Variants in PLEKHA5 observed in about 807,000 individuals in gnomAD.
PLEKHA5 encodes pleckstrin homology domain-containing family A member 5.
Under a neutral mutation model 181.9 loss-of-function variants are expected in PLEKHA5, and 55 were observed. The observed-to-expected ratio is 0.30, with a 90% CI of 0.24 to 0.38. PLEKHA5 has a LOEUF of 0.38. Ranked by LOEUF, PLEKHA5 falls within the 10% of genes least tolerant of loss-of-function variation. The pLI is 1.00. For missense variants in PLEKHA5, 1,432 were observed against 1,549.5 expected (o/e 0.92, Z 1.27); for synonymous variants, 535 against 529.4 (o/e 1.01, Z -0.15).
Position 19,347,197 on chromosome 12 carries a change from T to G in PLEKHA5, c.2898+15T>G, listed in dbSNP as rs1300258661. The G allele has an allele frequency of 2.4e-5, 34 of 1,429,692 alleles. No homozygotes were observed. The highest frequency in any genetic ancestry group is 3.2e-5 in the Non-Finnish European group (33 of 1,041,328). The allele number at this position is 1,429,692 out of a possible 1,614,324, so 88.6% of individuals were successfully genotyped here. ...GATCTCACTGTGTAAGTGGCTGGAA[T>G]AGCCACAGAATAATCAATCCTACAT... is the stretch of plus-strand genomic sequence containing the variant. On this transcript the variant is annotated intron_variant, in intron 24 of 31. Coordinates refer to ENST00000429027, the MANE Select transcript of PLEKHA5 (RefSeq NM_001256470.2).
rs552962852 is a variant in PLEKHA5, at chr12:19,304,422, C to T, written c.2038-10392C>T. Among the ~76,000 whole-genome samples, 42 of 152,258 alleles carry T rather than the reference C, an allele frequency of 2.8e-4. No homozygotes were observed. The Middle Eastern group carries it at 0.01, about 37-fold the overall frequency. The stretch of plus-strand genomic sequence containing the variant: ...TCTCTTAATGCTATATCTTAGACAA[C>T]AAGAAAATATTTTAATCTAGATCCA... On this transcript the variant is annotated intron_variant, in intron 15 of 31. Transcript: ENST00000429027.
rs1209286966 is a variant in PLEKHA5, at chr12:19,375,775, A to G, written c.*256A>G. Reference sequence around the variant, plus strand: ...GCTTGCTGCTATGATTTCAGAGCACATAAGTAAAGGTGCTTTTTAATGTGC... The same window carrying G: ...GCTTGCTGCTATGATTTCAGAGCACGTAAGTAAAGGTGCTTTTTAATGTGC... On this transcript the variant is annotated 3_prime_UTR_variant, in exon 32 of 32. Transcript: ENST00000429027. The G allele has an allele frequency of 6.6e-6, 1 of 152,632 alleles. No homozygotes were observed. Among genetic ancestry groups the G allele is most frequent in the African/African-American group, 2.4e-5 (1 of 41,462 alleles). 9.5% of individuals were successfully genotyped at this position (152,632 alleles called of 1,614,324 possible).
chr12:19,363,239 C>T (rs767865659), intron 29 of PLEKHA5, among the ~76,000 whole-genome samples: 3 of 151,590 alleles, frequency 2.0e-5, no homozygotes, highest in Admixed American at 6.6e-5. Flanking sequence ...GGAACCTCTG[C>T]CTCCTGGGTT....
intron 3 of PLEKHA5, among the ~76,000 whole-genome samples, chr12:19,144,865 G>GT (rs2038473569): frequency 6.6e-6 from 1 of 152,194 alleles, no homozygotes. Flanking sequence ...GAACTTGAAT[G>GT]TAAGCCCAAA....
chr12:19,154,242 A>ATC (rs1316954897), intron 3 of PLEKHA5: 7 of 152,046 alleles, frequency 4.6e-5, no homozygotes, highest in Non-Finnish European at 8.8e-5. Flanking sequence ...ATATCTGTTT[A>ATC]TCCGTATATT....
At chr12:19,231,613 A>ATTATATATGTAC (rs1345945535) in intron 3 of PLEKHA5, among the ~76,000 whole-genome samples, 2 of 32,456 alleles carry the variant, frequency 6.2e-5, no homozygotes, top group Non-Finnish European at 1.7e-4. Flanking sequence ...TATATATATA[A>ATTATATATGTAC]ATACTCATAA....
Position 19,274,498 on chromosome 12 carries a change from T to C in PLEKHA5, c.846-18T>C. ...ATTATTTCATCTGATTTACTATGAT[T>C]TTCTTCTCTGATTTCAGAGTGGACA... is the stretch of plus-strand genomic sequence containing the variant. On this transcript the variant is annotated intron_variant, in intron 10 of 31. Coordinates refer to ENST00000429027, the MANE Select transcript of PLEKHA5 (RefSeq NM_001256470.2). 3 of 1,484,098 alleles carry C rather than the reference T, an allele frequency of 2.0e-6. No individual in the cohort carries two copies. Among genetic ancestry groups the C allele is most frequent in the Non-Finnish European group, 2.8e-6 (3 of 1,076,068 alleles). 91.9% of individuals were successfully genotyped at this position (1,484,098 alleles called of 1,614,324 possible).
At chr12:19,245,063 T>C (rs1013681175) in intron 3 of PLEKHA5, among the ~76,000 whole-genome samples, 2 of 152,124 alleles carry the variant, frequency 1.3e-5, no homozygotes, top group African/African-American at 4.8e-5. Context: ...CATTAAAACA[T>C]TTTTCTGAAG....
intron 3 of PLEKHA5, among the ~76,000 whole-genome samples, chr12:19,197,297 A>T (rs1194667369): frequency 1.3e-5 from 2 of 152,026 alleles, no homozygotes; most frequent in East Asian, 3.9e-4. Context: ...CCAGTCTCTC[A>T]TACTGTTCTG....
chr12:19,268,161 C>G (rs1218259775), intron 8 of PLEKHA5, among the ~76,000 whole-genome samples: 1 of 152,046 alleles, frequency 6.6e-6, no homozygotes, highest in Admixed American at 6.5e-5. Flanking sequence ...ACCAGAGAAA[C>G]ATAATTAAGT....
At chr12:19,144,809 A>C (rs1214237926) in intron 3 of PLEKHA5, among the ~76,000 whole-genome samples, 6 of 152,172 alleles carry the variant, frequency 3.9e-5, no homozygotes, top group African/African-American at 1.4e-4. Flanking sequence ...AATATCTGTT[A>C]ATTTTTATCA....
chr12:19,250,016 T>C (rs1472911153), intron 3 of PLEKHA5, among the ~76,000 whole-genome samples: 1 of 152,192 alleles, frequency 6.6e-6, no homozygotes, highest in Non-Finnish European at 1.5e-5. Context: ...ATAAACTGTT[T>C]AGCAGCACCC....
In PLEKHA5 at chr12:19,320,054, T is replaced by G. The variant is rs1216909447; in HGVS notation, c.2152T>G (p.Cys718Gly). 6 of 1,084,982 alleles carry G rather than the reference T, an allele frequency of 5.5e-6. No individual in the cohort carries two copies. Among genetic ancestry groups the G allele is most frequent in the Non-Finnish European group, 5.3e-6 (4 of 756,802 alleles). 67.2% of individuals were successfully genotyped at this position (1,084,982 alleles called of 1,614,324 possible). ...LRQKSKISLY[C>G]LSQDEGRGTL... ...ACAGAAGAGCAAGATAAGTCTATAT[T>G]GTGTATGTGTGTTTATATATTATAT... Residue 718 changes from cysteine to glycine, a missense_variant and splice_region_variant, in exon 17 of 32, where the codon TGT becomes GGT. Physicochemically the swap from Cys to Gly is radical, Grantham distance 159 (BLOSUM62 -3). Transcript: ENST00000429027.
intron 3 of PLEKHA5, among the ~76,000 whole-genome samples, chr12:19,244,895 AAAAAAGCAGAGTGGATTTTGGATT>A (rs1460362042): frequency 1.5e-4 from 23 of 152,142 alleles, no homozygotes; most frequent in African/African-American, 5.1e-4. Flanking sequence ...ATATTCTTTT[AAAAAAGCAGAGTGGATTTTGGATT>A]AAAAAGCAGA....
At chr12:19,321,546 T>TTC (rs1365872073) in intron 18 of PLEKHA5, 1 of 149,554 alleles carries the variant, frequency 6.7e-6, no homozygotes, top group Non-Finnish European at 1.5e-5. Context: ...TGTATTTTTT[T>TTC]TTTTTTTTAG....
chr12:19,254,919 T>C lies in PLEKHA5; in HGVS notation c.312-126T>C, dbSNP rs190813012. ...GTTGTTGTAAGTATTAAGGCCTGAC[T>C]CTAGAGTAACTAGGATCCAAGTACT... On this transcript the variant is annotated intron_variant, in intron 4 of 31. Coordinates refer to ENST00000429027, the MANE Select transcript of PLEKHA5 (RefSeq NM_001256470.2). 3.4e-5 allele frequency: 26 copies of C among 760,428 alleles called. No homozygotes were observed. The East Asian group carries it at 3.7e-4, about 11-fold the overall frequency. The allele number at this position is 760,428 out of a possible 1,614,324, so 47.1% of individuals were successfully genotyped here. A position where few individuals can be genotyped will look rare whatever the true frequency, so the allele number is the denominator to read the frequency against.
chr12:19,306,665 C>CG, intron 15 of PLEKHA5: 1 of 1,451,500 alleles, frequency 6.9e-7, no homozygotes, highest in Middle Eastern at 1.7e-4. Flanking sequence ...CTGATCTCCC[C>CG]GGGCGCTAGC....
At chr12:19,215,059 C>A (rs1006758164) in intron 3 of PLEKHA5, among the ~76,000 whole-genome samples, 8 of 152,190 alleles carry the variant, frequency 5.3e-5, no homozygotes, top group African/African-American at 1.9e-4. Context: ...TGCCTGTAAT[C>A]CCAGCTACTC....
intron 3 of PLEKHA5, among the ~76,000 whole-genome samples, chr12:19,229,723 G>T (rs1181421623): frequency 6.6e-6 from 1 of 152,208 alleles, no homozygotes; most frequent in African/African-American, 2.4e-5. Flanking sequence ...GGCTTGGGCA[G>T]CCAGCTTTTA....
Sources: allele counts gnomAD v4.1 joint callset (sites outside exome capture counted in the v4.1 genomes callset), GRCh38; gene constraint gnomAD v4.1.1; transcripts MANE v1.5; gene names NCBI Gene and HGNC (gene_info 2026-07-23, HGNC 2026-07-21).